Variants in PCDH9 observed in about 807,000 individuals in gnomAD.
The protein encoded by PCDH9 is protocadherin 9.
PCDH9 carries 24 observed loss-of-function variants against 70.6 expected under a neutral mutation model. The ratio of observed to expected loss-of-function variants is 0.34; its 90% CI spans 0.25 to 0.48. The LOEUF (loss-of-function observed/expected upper bound fraction) is 0.48. Among genes scored for constraint, PCDH9 ranks in the 20% least tolerant of loss-of-function variants. The pLI, the probability that PCDH9 is intolerant of heterozygous loss-of-function variation, is 0.99. For missense variants in PCDH9, 1,281 were observed against 1,503.6 expected (o/e 0.85, Z 2.45); for synonymous variants, 562 against 558.5 (o/e 1.01, Z -0.09).
intron 3 of PCDH9, among the ~76,000 whole-genome samples, chr13:66,701,258 C>T (rs1260413852): frequency 6.6e-6 from 1 of 150,958 alleles, no homozygotes; most frequent in Non-Finnish European, 1.5e-5. Context: ...GAACAACAAC[C>T]GTTTTTGTGT....
At chr13:66,458,580 AG>A (rs374280231) in intron 4 of PCDH9, among the ~76,000 whole-genome samples, 7 of 152,106 alleles carry the variant, frequency 4.6e-5, no homozygotes, top group African/African-American at 1.7e-4. Flanking sequence ...CGAGTGTTTA[AG>A]TTATCCATAC....
chr13:67,088,112 T>TA (rs576323150), intron 2 of PCDH9, among the ~76,000 whole-genome samples: 3 of 151,958 alleles, frequency 2.0e-5, no homozygotes, highest in African/African-American at 4.8e-5. Flanking sequence ...TTTTTTTTTT[T>TA]TTATTCCCTG....
intron 3 of PCDH9, among the ~76,000 whole-genome samples, chr13:66,895,864 T>A (rs2082169581): frequency 6.6e-6 from 1 of 152,208 alleles, no homozygotes; most frequent in Admixed American, 6.6e-5. Flanking sequence ...TCTGAAAGGC[T>A]CATCCCCCCT....
Position 66,818,046 on chromosome 13 carries a change from T to C in PCDH9, c.3138+85458A>G, listed in dbSNP as rs150021141. 3.4e-3 allele frequency among the ~76,000 whole-genome samples: 521 copies of C among 152,336 alleles called. 3 individuals carry two copies. The highest frequency in any genetic ancestry group is 0.012 in the African/African-American group (494 of 41,582). Reference sequence around the variant, plus strand: ...ACAAATAAATCACTGATGCTGATTCTAAAATATACAGACTTTCCCCTCAAC... The same window carrying C: ...ACAAATAAATCACTGATGCTGATTCCAAAATATACAGACTTTCCCCTCAAC... On this transcript the variant is annotated intron_variant, in intron 3 of 4. Transcript: ENST00000377865.
intron 2 of PCDH9, among the ~76,000 whole-genome samples, chr13:66,929,184 A>G (rs975765922): frequency 2.6e-5 from 4 of 152,104 alleles, no homozygotes; most frequent in Admixed American, 6.5e-5. Flanking sequence ...AAAATATTTT[A>G]GTCAATTAAC....
chr13:67,060,576 T>A (rs2085520109), intron 2 of PCDH9, among the ~76,000 whole-genome samples: 1 of 152,112 alleles, frequency 6.6e-6, no homozygotes, highest in Admixed American at 6.6e-5. Flanking sequence ...AATCCCCTCA[T>A]TTCCATTCTC....
chr13:66,580,029 C>T (rs1459301842), intron 4 of PCDH9, among the ~76,000 whole-genome samples: 2 of 152,044 alleles, frequency 1.3e-5, no homozygotes, highest in East Asian at 1.9e-4. Context: ...TCTTTGATCT[C>T]TTAAGTTTCC....
chr13:66,331,306 C>T (rs1364913268), intron 4 of PCDH9, among the ~76,000 whole-genome samples: 2 of 152,086 alleles, frequency 1.3e-5, no homozygotes, highest in African/African-American at 4.8e-5. Context: ...GGGAAAAATC[C>T]AGTCTTGGCA....
At chr13:66,884,766 A>T (rs1030111658) in intron 3 of PCDH9, among the ~76,000 whole-genome samples, 1 of 152,176 alleles carries the variant, frequency 6.6e-6, no homozygotes, top group African/African-American at 2.4e-5. Flanking sequence ...TAATTGATTT[A>T]AGTTTTATCT....
intron 2 of PCDH9, among the ~76,000 whole-genome samples, chr13:67,010,352 T>C (rs917551382): frequency 2.0e-5 from 3 of 152,050 alleles, no homozygotes. Flanking sequence ...CTGTAATCCA[T>C]TATGTTGAGG....
At chr13:66,356,612 C>T (rs1956387400) in intron 4 of PCDH9, among the ~76,000 whole-genome samples, 1 of 151,904 alleles carries the variant, frequency 6.6e-6, no homozygotes, top group African/African-American at 2.4e-5. Flanking sequence ...GTAGCTTTTA[C>T]ACAAAAGGCA....
chr13:66,809,183 C>T (rs2080459324), intron 3 of PCDH9, among the ~76,000 whole-genome samples: 1 of 152,088 alleles, frequency 6.6e-6, no homozygotes, highest in Non-Finnish European at 1.5e-5. Context: ...CTCCTGACCT[C>T]GTGATCCACC....
intron 2 of PCDH9, among the ~76,000 whole-genome samples, chr13:67,160,584 T>C (rs933093599): frequency 2.0e-5 from 3 of 152,248 alleles, no homozygotes; most frequent in African/African-American, 7.2e-5. Flanking sequence ...CTATTTTTTT[T>C]TTTTATTTTA....
intron 4 of PCDH9, among the ~76,000 whole-genome samples, chr13:66,424,971 C>T (rs565595934): frequency 7.2e-5 from 11 of 151,830 alleles, no homozygotes; most frequent in African/African-American, 2.7e-4. Flanking sequence ...ACAACACATC[C>T]AATCAGTTTA....
intron 4 of PCDH9, among the ~76,000 whole-genome samples, chr13:66,612,505 A>G (rs961255023): frequency 2.0e-5 from 3 of 152,248 alleles, no homozygotes; most frequent in South Asian, 4.1e-4. Flanking sequence ...GCCAGATAAA[A>G]TACAGTAAGA....
At chr13:66,308,617 G>A (rs1955510758) in intron 4 of PCDH9, among the ~76,000 whole-genome samples, 2 of 152,034 alleles carry the variant, frequency 1.3e-5, no homozygotes, top group Admixed American at 6.6e-5. Flanking sequence ...ACAAACTGGA[G>A]CTCTAGGGGA....
chr13:66,493,350 T>A (rs1959063293), intron 4 of PCDH9, among the ~76,000 whole-genome samples: 1 of 152,184 alleles, frequency 6.6e-6, no homozygotes, highest in African/African-American at 2.4e-5. Context: ...AACTGCAGAT[T>A]GTTCGCAAGG....
chr13:66,747,750 T>C (rs1391176201), intron 3 of PCDH9, among the ~76,000 whole-genome samples: 1 of 152,174 alleles, frequency 6.6e-6, no homozygotes, highest in African/African-American at 2.4e-5. Flanking sequence ...TACACACACA[T>C]ACACAGACAT....
intron 3 of PCDH9, among the ~76,000 whole-genome samples, chr13:66,697,919 C>T (rs1442338396): frequency 2.0e-5 from 3 of 152,080 alleles, no homozygotes; most frequent in Admixed American, 1.3e-4. Context: ...GTTATATATA[C>T]ATAAAATGTA....
Sources: gnomAD v4.1 joint callset for allele counts (sites outside exome capture counted in the v4.1 genomes callset) on GRCh38, gnomAD v4.1.1 for gene constraint, MANE v1.5 for transcripts, NCBI Gene and HGNC (gene_info 2026-07-23, HGNC 2026-07-21) for gene names.